Variants in EMSY observed in about 807,000 individuals in gnomAD.
The protein encoded by EMSY is BRCA2-interacting transcriptional repressor EMSY.
In EMSY, 26 loss-of-function variants were observed where a neutral mutation model predicts 134.6. That is an observed-to-expected ratio of 0.19 (90% confidence interval 0.14 to 0.27). The LOEUF (loss-of-function observed/expected upper bound fraction) is 0.27, where lower values mean the gene tolerates loss of function less well. Ranked by LOEUF, EMSY falls within the 10% of genes least tolerant of loss-of-function variation. The pLI is 1.00. For missense variants in EMSY, 1,305 were observed against 1,611.4 expected (o/e 0.81, Z 3.26); for synonymous variants, 579 against 577.8 (o/e 1.00, Z -0.03).
chr11:76,464,065 CACA>C (rs771556970), exon 7 of EMSY: 34 of 1,614,066 alleles, frequency 2.1e-5, no homozygotes, highest in Non-Finnish European at 2.4e-5. Context: ...AGACAACAAA[CACA>C]ACAACACAGA....
chr11:76,447,008 G>A, exon 2 of EMSY: 1 of 1,612,882 alleles, frequency 6.2e-7, no homozygotes, highest in East Asian at 2.2e-5. Flanking sequence ...TCGAAAATTG[G>A]GTATGACGTT....
chr11:76,506,256 G>A (rs1222163402), intron 9 of EMSY, among the ~76,000 whole-genome samples: 1 of 151,942 alleles, frequency 6.6e-6, no homozygotes, highest in Non-Finnish European at 1.5e-5. Flanking sequence ...GAAAATTACA[G>A]ACTGAAATCA....
At chr11:76,535,798 G>A (rs1410541724) in intron 14 of EMSY, 97 bp from the exon 16 acceptor site, 1 of 984,002 alleles carries the variant, frequency 1.0e-6, no homozygotes, top group East Asian at 3.1e-5. Flanking sequence ...ACAATAAATA[G>A]AAAGATAAGC....
chr11:76,475,099 T>G (rs1439157249), intron 8 of EMSY, among the ~76,000 whole-genome samples: 1 of 152,208 alleles, frequency 6.6e-6, no homozygotes, highest in Non-Finnish European at 1.5e-5. Flanking sequence ...GAAAATTTGT[T>G]TAAAATGTTG....
At chr11:76,528,300 A>G (rs1297374028) in exon 14 of EMSY, 3 of 1,613,592 alleles carry the variant, frequency 1.9e-6, no homozygotes, top group Non-Finnish European at 2.5e-6. Context: ...TGACTTTTCA[A>G]GCGACAGTTG....
chr11:76,503,321 A>AAAAG (rs1949950779), intron 9 of EMSY, among the ~76,000 whole-genome samples: 2 of 148,558 alleles, frequency 1.3e-5, no homozygotes, highest in African/African-American at 2.6e-5. Flanking sequence ...AAAAAAAAAA[A>AAAAG]AAGAAGAAGA....
chr11:76,547,314 G>A (rs927329137), intron 20 of EMSY, among the ~76,000 whole-genome samples: 2 of 152,058 alleles, frequency 1.3e-5, no homozygotes, highest in Non-Finnish European at 2.9e-5. Flanking sequence ...AACCAATTAA[G>A]GTAGAATTAA....
rs1950886511 is a variant in EMSY at position 76,527,507 on chromosome 11, A to G, written c.1996-761A>G. ...TGTGGTAGAAACAAAAATAATTATGAGTTAATAGTTTTTATTCCATGGACC... is the reference window on the plus strand; with the variant it reads ...TGTGGTAGAAACAAAAATAATTATGGGTTAATAGTTTTTATTCCATGGACC... On this transcript the variant is annotated intron_variant, in intron 13 of 20. Coordinates refer to ENST00000334736, the Ensembl canonical transcript of EMSY. 3.9e-5 allele frequency among the ~76,000 whole-genome samples: 6 copies of G among 152,278 alleles called. No homozygotes were observed. In the South Asian group the frequency reaches 1.2e-3, roughly 32 times the overall value.
intron 4 of EMSY, among the ~76,000 whole-genome samples, chr11:76,456,894 C>T (rs1947894260): frequency 6.6e-6 from 1 of 152,104 alleles, no homozygotes; most frequent in African/African-American, 2.4e-5. Flanking sequence ...AAAGGCAAAA[C>T]CCATTTGAAA....
At chr11:76,488,047 C>G (rs1013966040) in intron 8 of EMSY, among the ~76,000 whole-genome samples, 1 of 152,132 alleles carries the variant, frequency 6.6e-6, no homozygotes, top group Non-Finnish European at 1.5e-5. Flanking sequence ...GTTAAAAACT[C>G]TGAGTATTTC....
chr11:76,498,526 A>G (rs547479807), intron 9 of EMSY, among the ~76,000 whole-genome samples: 1 of 152,320 alleles, frequency 6.6e-6, no homozygotes, highest in South Asian at 2.1e-4. Flanking sequence ...TGATGCATAC[A>G]TATTTAGAAA....
chr11:76,520,989 A>T (rs1950619575), intron 11 of EMSY, among the ~76,000 whole-genome samples: 1 of 152,230 alleles, frequency 6.6e-6, no homozygotes, highest in Non-Finnish European at 1.5e-5. Context: ...AGAGGAAATT[A>T]CAGGAGCAAA....
At chr11:76,481,997 G>C (rs940914768) in intron 8 of EMSY, among the ~76,000 whole-genome samples, 1 of 152,158 alleles carries the variant, frequency 6.6e-6, no homozygotes, top group African/African-American at 2.4e-5. Context: ...ATACAGGAGA[G>C]CTCTGGCTGG....
chr11:76,505,019 G>T (rs1377898090), intron 9 of EMSY, among the ~76,000 whole-genome samples: 1 of 152,164 alleles, frequency 6.6e-6, no homozygotes, highest in African/African-American at 2.4e-5. Flanking sequence ...ATGAATGGGT[G>T]CAAGGAGTAG....
chr11:76,513,146 G>T (rs1456586463), intron 9 of EMSY, among the ~76,000 whole-genome samples: 1 of 152,058 alleles, frequency 6.6e-6, no homozygotes, highest in Admixed American at 6.5e-5. Context: ...ATAGACAAAA[G>T]ATTTGTTTTT....
At chr11:76,534,814 A>T (rs1951169224) in intron 14 of EMSY, among the ~76,000 whole-genome samples, 1 of 152,036 alleles carries the variant, frequency 6.6e-6, no homozygotes, top group South Asian at 2.1e-4. Flanking sequence ...TGTTTCCCCC[A>T]TTATAATCTG....
At chr11:76,518,858 T>TTGTGTG (rs10691630) in intron 11 of EMSY, among the ~76,000 whole-genome samples, 20,018 of 142,984 alleles carry the variant, frequency 0.14, 1,676 homozygotes, top group East Asian at 0.28. Context: ...ATAGGCTGTC[T>TTGTGTG]TGTGTGTGTG....
At chr11:76,464,878 G>A in intron 7 of EMSY, among the ~76,000 whole-genome samples, 1 of 152,140 alleles carries the variant, frequency 6.6e-6, no homozygotes, top group South Asian at 2.1e-4. Context: ...ATTCTAGGTT[G>A]GAAGTGATTT....
At chr11:76,489,683 C>T (rs1392444579) in intron 8 of EMSY, among the ~76,000 whole-genome samples, 1 of 151,058 alleles carries the variant, frequency 6.6e-6, no homozygotes, top group East Asian at 1.9e-4. Flanking sequence ...TGGCTCACTG[C>T]AACCTCCACC....
Sources: allele counts gnomAD v4.1 joint callset (sites outside exome capture counted in the v4.1 genomes callset), GRCh38; gene constraint gnomAD v4.1.1; transcripts MANE v1.5; gene names NCBI Gene and HGNC (gene_info 2026-07-23, HGNC 2026-07-21).